Variants in KCNMA1 observed in about 807,000 individuals in gnomAD.
The protein encoded by KCNMA1 is Calcium-activated potassium channel subunit alpha-1.
Under a neutral mutation model 140.0 loss-of-function variants are expected in KCNMA1, and 29 were observed. The observed-to-expected ratio is 0.21, with a 90% CI of 0.15 to 0.28. KCNMA1 has a LOEUF of 0.28. KCNMA1 is among the 10% of genes least tolerant of loss of function. The pLI is 1.00. For synonymous variants in KCNMA1, 612 were observed against 611.9 expected, an observed-to-expected ratio of 1.00 and a Z score of 0.00; for missense variants, 880 against 1,602.2, an observed-to-expected ratio of 0.55 and a Z score of 7.70.
In KCNMA1 at chr10:77,340,069, T is replaced by TA. The variant is rs1223176681; in HGVS notation, c.540+63792dup. The stretch of plus-strand genomic sequence containing the variant: ...TACATGAAGCCCAAGGAATCCTAAC[T>TA]AACACAGAAGTCAAGAGTGACAGGC... On this transcript the variant is annotated intron_variant, in intron 2 of 27. Transcript: ENST00000286628. 1.9e-4 allele frequency among the ~76,000 whole-genome samples: 29 copies of TA among 152,120 alleles called. 2 individuals are homozygous for TA. The highest frequency in any genetic ancestry group is 5.9e-5 in the Non-Finnish European group (4 of 68,028).
intron 1 of KCNMA1, among the ~76,000 whole-genome samples, chr10:77,563,588 C>G (rs1448025050): frequency 6.6e-6 from 1 of 152,160 alleles, no homozygotes; most frequent in African/African-American, 2.4e-5. Flanking sequence ...TACCCTCCCT[C>G]CATCCTGCTA....
At chr10:77,353,267 C>T (rs976761165) in intron 2 of KCNMA1, among the ~76,000 whole-genome samples, 1 of 152,144 alleles carries the variant, frequency 6.6e-6, no homozygotes, top group Non-Finnish European at 1.5e-5. Context: ...CCTGGAGAGG[C>T]ATCCAACCCT....
chr10:77,293,805 C>T (rs1284633653), intron 2 of KCNMA1, among the ~76,000 whole-genome samples: 1 of 152,222 alleles, frequency 6.6e-6, no homozygotes, highest in Non-Finnish European at 1.5e-5. Context: ...AAATGCAGTC[C>T]CCATCATGCA....
At chr10:77,337,423 T>C in intron 2 of KCNMA1, among the ~76,000 whole-genome samples, 1 of 152,244 alleles carries the variant, frequency 6.6e-6, no homozygotes, top group Middle Eastern at 3.4e-3. Flanking sequence ...GTTCCAGACC[T>C]GCATGGGCAA....
chr10:77,058,535 A>G (rs1369850805), intron 14 of KCNMA1, among the ~76,000 whole-genome samples: 1 of 152,144 alleles, frequency 6.6e-6, no homozygotes, highest in Non-Finnish European at 1.5e-5. Flanking sequence ...TAACAAATTT[A>G]AAAGAATTGA....
At chr10:76,988,098 G>A (rs1369562664) in intron 19 of KCNMA1, among the ~76,000 whole-genome samples, 3 of 152,134 alleles carry the variant, frequency 2.0e-5, no homozygotes, top group South Asian at 2.1e-4. Flanking sequence ...CTTGGCCATC[G>A]GTAGGAGGAA....
At chr10:77,160,021 A>C (rs552044547) in intron 5 of KCNMA1, among the ~76,000 whole-genome samples, 1 of 152,320 alleles carries the variant, frequency 6.6e-6, no homozygotes, top group South Asian at 2.1e-4. Flanking sequence ...AAAAAGAAAT[A>C]AGTGGATGGA....
At chr10:77,391,176 T>G (rs1012880529) in intron 2 of KCNMA1, among the ~76,000 whole-genome samples, 3 of 152,110 alleles carry the variant, frequency 2.0e-5, no homozygotes, top group Non-Finnish European at 4.4e-5. Context: ...CCATCTACCT[T>G]CCGAATTAAC....
intron 19 of KCNMA1, among the ~76,000 whole-genome samples, chr10:76,975,842 C>A (rs2153216197): frequency 6.6e-6 from 1 of 152,256 alleles, no homozygotes; most frequent in Non-Finnish European, 1.5e-5. Flanking sequence ...GACAAGGGGT[C>A]TTTGTTGCCC....
At chr10:77,185,127 TTTA>T (rs2098838215) in intron 3 of KCNMA1, among the ~76,000 whole-genome samples, 1 of 152,060 alleles carries the variant, frequency 6.6e-6, no homozygotes, top group Admixed American at 6.6e-5. Context: ...TGTTCTTTTA[TTTA>T]TTGTTTTCGA....
chr10:76,885,776 A>G lies in KCNMA1; in HGVS notation c.*1490T>C. 1 of 985,246 alleles carries G rather than the reference A, an allele frequency of 1.0e-6. No homozygotes were observed. The highest frequency in any genetic ancestry group is 1.2e-6 in the Non-Finnish European group (1 of 829,760). 61.0% of individuals were successfully genotyped at this position (985,246 alleles called of 1,614,324 possible). On this transcript the variant is annotated 3_prime_UTR_variant, in exon 28 of 28. Transcript: ENST00000286628. Reference sequence around the variant, plus strand: ...ATGATTTGCATGCACAAAGCATCTGACAACTATATGTTGAAAAAAGGGTAT... The same window carrying G: ...ATGATTTGCATGCACAAAGCATCTGGCAACTATATGTTGAAAAAAGGGTAT...
At chr10:77,445,279 G>A (rs1603622471) in intron 1 of KCNMA1, among the ~76,000 whole-genome samples, 1 of 151,880 alleles carries the variant, frequency 6.6e-6, no homozygotes, top group Admixed American at 6.6e-5. Flanking sequence ...GCTGAGCCAC[G>A]CTGGGGATTT....
intron 25 of KCNMA1, among the ~76,000 whole-genome samples, chr10:76,897,716 A>T (rs748549713): frequency 1.9e-4 from 29 of 152,194 alleles, no homozygotes; most frequent in African/African-American, 7.0e-4. Flanking sequence ...TATTGTATAT[A>T]TTATTACAAA....
At chr10:76,993,006 C>T (rs1180933003) in intron 19 of KCNMA1, among the ~76,000 whole-genome samples, 2 of 152,124 alleles carry the variant, frequency 1.3e-5, no homozygotes, top group African/African-American at 4.8e-5. Flanking sequence ...GAAAAGTCTC[C>T]TTGCCATATA....
chr10:77,256,236 T>C (rs2154259538), intron 2 of KCNMA1, among the ~76,000 whole-genome samples: 1 of 152,282 alleles, frequency 6.6e-6, no homozygotes, highest in East Asian at 1.9e-4. Flanking sequence ...CTGGAGTTGC[T>C]GCAATTAGGC....
chr10:77,175,783 A>T (rs1424498291), intron 5 of KCNMA1, among the ~76,000 whole-genome samples: 2 of 152,198 alleles, frequency 1.3e-5, no homozygotes, highest in Non-Finnish European at 2.9e-5. Flanking sequence ...GACAGCAAGA[A>T]GATGCAGCTA....
chr10:77,119,932 C>T, intron 6 of KCNMA1, among the ~76,000 whole-genome samples: 1 of 152,100 alleles, frequency 6.6e-6, no homozygotes, highest in Non-Finnish European at 1.5e-5. Context: ...AACACTAACA[C>T]CCAAGGAGTA....
chr10:76,897,120 T>G (rs2042922011), intron 25 of KCNMA1, among the ~76,000 whole-genome samples: 1 of 152,112 alleles, frequency 6.6e-6, no homozygotes, highest in South Asian at 2.1e-4. Flanking sequence ...TTTGTTTGTT[T>G]GTTTAATAAG....
At chr10:77,310,794 G>C (rs1333150683) in intron 2 of KCNMA1, among the ~76,000 whole-genome samples, 3 of 152,228 alleles carry the variant, frequency 2.0e-5, no homozygotes, top group Admixed American at 2.0e-4. Context: ...CCCAGAGACA[G>C]AGGGAGAGAT....
Sources: gnomAD v4.1 joint callset for allele counts (sites outside exome capture counted in the v4.1 genomes callset) on GRCh38, gnomAD v4.1.1 for gene constraint, MANE v1.5 for transcripts, NCBI Gene and HGNC (gene_info 2026-07-23, HGNC 2026-07-21) for gene names.